The following GRID1 variants were observed in gnomAD, a reference collection of about 807,000 sequenced individuals.
The protein encoded by GRID1 is glutamate ionotropic receptor delta type subunit 1.
A neutral mutation model predicts 98.0 loss-of-function variants in GRID1; 28 were observed. The observed-to-expected ratio is 0.29, with a 90% CI of 0.21 to 0.39. The LOEUF is 0.39. GRID1 is among the 10% of genes least tolerant of loss of function. The pLI is 1.00. For missense variants in GRID1, 1,111 were observed against 1,340.5 expected (o/e 0.83, Z 2.67); for synonymous variants, 553 against 538.5 (o/e 1.03, Z -0.37).
intron 12 of GRID1, among the ~76,000 whole-genome samples, chr10:85,676,756 TC>T (rs1304077715): frequency 2.6e-5 from 4 of 152,176 alleles, no homozygotes; most frequent in Non-Finnish European, 5.9e-5. Context: ...TTGATAAAGC[TC>T]CATATTTTCA....
chr10:85,957,274 C>A (rs567120917), intron 4 of GRID1, among the ~76,000 whole-genome samples: 4 of 152,188 alleles, frequency 2.6e-5, no homozygotes, highest in South Asian at 4.1e-4. Context: ...TGTGAGGCAG[C>A]TCCAGGGGTT....
intron 4 of GRID1, among the ~76,000 whole-genome samples, chr10:86,115,495 T>C (rs1466277606): frequency 6.6e-6 from 1 of 152,246 alleles, no homozygotes; most frequent in Non-Finnish European, 1.5e-5. Context: ...GGCACACCTT[T>C]AAGTGCTCTA....
At chr10:86,102,313 G>A (rs1442780899) in intron 4 of GRID1, among the ~76,000 whole-genome samples, 2 of 152,242 alleles carry the variant, frequency 1.3e-5, no homozygotes, top group African/African-American at 2.4e-5. Flanking sequence ...CATTGGGGTG[G>A]TGAGAAGTAA....
At chr10:86,310,462 C>T (rs761216155) in intron 2 of GRID1, among the ~76,000 whole-genome samples, 2 of 152,196 alleles carry the variant, frequency 1.3e-5, no homozygotes, top group Non-Finnish European at 2.9e-5. Flanking sequence ...GGCAGCAAGA[C>T]CCCATCAGCT....
chr10:86,127,372 C>T (rs369894346), intron 4 of GRID1, among the ~76,000 whole-genome samples: 29 of 152,308 alleles, frequency 1.9e-4, no homozygotes, highest in African/African-American at 7.0e-4. Context: ...GCAGAAAGCA[C>T]CCGCGGCTGT....
intron 4 of GRID1, among the ~76,000 whole-genome samples, chr10:86,101,048 T>C (rs1220266879): frequency 2.6e-5 from 4 of 151,988 alleles, no homozygotes; most frequent in African/African-American, 9.7e-5. Context: ...GAGAAGGGGC[T>C]CGTGACTATC....
In GRID1 at chr10:86,333,550, G is replaced by A. The variant is rs577821122; in HGVS notation, c.235+30391C>T. 5.9e-5 allele frequency among the ~76,000 whole-genome samples: 9 copies of A among 152,292 alleles called. 1 individual carries two copies. Among genetic ancestry groups the A allele is most frequent in the African/African-American group, 2.2e-4 (9 of 41,550 alleles). ...GTTGACACTTGAACAATGAGAGGTTGGGGCGCTGACCCCTCATGCAGTCAA... is the reference window on the plus strand; with the variant it reads ...GTTGACACTTGAACAATGAGAGGTTAGGGCGCTGACCCCTCATGCAGTCAA... On this transcript the variant is annotated intron_variant, in intron 2 of 15. Transcript: ENST00000327946.
intron 8 of GRID1, among the ~76,000 whole-genome samples, chr10:85,742,929 T>C (rs1428932961): frequency 6.6e-6 from 1 of 152,126 alleles, no homozygotes; most frequent in African/African-American, 2.4e-5. Flanking sequence ...AGATAATTAT[T>C]TGTGGGTTGG....
chr10:86,276,008 A>G (rs928187455), intron 2 of GRID1, among the ~76,000 whole-genome samples: 5 of 152,192 alleles, frequency 3.3e-5, no homozygotes, highest in Non-Finnish European at 7.3e-5. Flanking sequence ...AAGACAAAGA[A>G]AGAATCTTAA....
At chr10:85,694,592 ATATATATATAAT>A (rs1841372372) in intron 12 of GRID1, among the ~76,000 whole-genome samples, 1 of 108,292 alleles carries the variant, frequency 9.2e-6, no homozygotes, top group Non-Finnish European at 2.0e-5. Flanking sequence ...ATATATATAT[ATATATATATAAT>A]GGAATATTAT....
intron 3 of GRID1, among the ~76,000 whole-genome samples, chr10:86,180,735 C>A (rs1845643791): frequency 1.3e-5 from 2 of 151,874 alleles, no homozygotes; most frequent in Non-Finnish European, 2.9e-5. Flanking sequence ...CAGGGCTGGA[C>A]AGAGGGAGGG....
chr10:86,213,471 T>A (rs546111181), intron 2 of GRID1, among the ~76,000 whole-genome samples: 1 of 152,116 alleles, frequency 6.6e-6, no homozygotes, highest in Non-Finnish European at 1.5e-5. Flanking sequence ...CTATCTCGCA[T>A]GACTTCCTGC....
chr10:86,033,318 G>A (rs1211187353), intron 4 of GRID1, among the ~76,000 whole-genome samples: 4 of 151,790 alleles, frequency 2.6e-5, no homozygotes, highest in East Asian at 2.0e-4. Context: ...GAGCCCATGA[G>A]CACTTGCTGC....
chr10:85,694,310 T>C (rs991295046), intron 12 of GRID1, among the ~76,000 whole-genome samples: 6 of 152,008 alleles, frequency 3.9e-5, no homozygotes, highest in Non-Finnish European at 8.8e-5. Flanking sequence ...GGAACACTTA[T>C]ACACTGTTGG....
At chr10:86,135,949 T>C (rs1310935990) in intron 4 of GRID1, among the ~76,000 whole-genome samples, 1 of 152,216 alleles carries the variant, frequency 6.6e-6, no homozygotes, top group East Asian at 1.9e-4. Context: ...CCAGCTCATC[T>C]GTACCATCCC....
intron 2 of GRID1, among the ~76,000 whole-genome samples, chr10:86,230,972 C>T (rs1468627150): frequency 6.6e-6 from 1 of 152,226 alleles, no homozygotes; most frequent in Non-Finnish European, 1.5e-5. Context: ...TCTACCCAAG[C>T]TGCAATCCCT....
intron 12 of GRID1, among the ~76,000 whole-genome samples, chr10:85,681,181 C>T (rs1841204493): frequency 6.6e-6 from 1 of 152,120 alleles, no homozygotes; most frequent in Non-Finnish European, 1.5e-5. Context: ...GCAGGCCCTC[C>T]ATGATGTGGC....
intron 4 of GRID1, among the ~76,000 whole-genome samples, chr10:86,003,698 T>C (rs576367905): frequency 4.6e-5 from 7 of 152,318 alleles, no homozygotes; most frequent in Admixed American, 3.3e-4. Context: ...CAATGGCCAA[T>C]GGGTACCTAA....
intron 2 of GRID1, among the ~76,000 whole-genome samples, chr10:86,273,226 T>C (rs1040919532): frequency 6.6e-6 from 1 of 150,798 alleles, no homozygotes; most frequent in African/African-American, 2.5e-5. Context: ...TCCATGTCCC[T>C]ACAAAGGACA....
Sources: allele counts gnomAD v4.1 joint callset (sites outside exome capture counted in the v4.1 genomes callset), GRCh38; gene constraint gnomAD v4.1.1; transcripts MANE v1.5; gene names NCBI Gene and HGNC (gene_info 2026-07-23, HGNC 2026-07-21).